LAS1L: variants seen among roughly 807,000 people sequenced by gnomAD.
LAS1L encodes ribosomal biogenesis protein LAS1L.
A neutral mutation model predicts 57.3 loss-of-function variants in LAS1L; 5 were observed. The ratio of observed to expected loss-of-function variants is 0.09; its 90% CI spans 0.05 to 0.18. The LOEUF (loss-of-function observed/expected upper bound fraction) is 0.18, where lower values mean the gene tolerates loss of function less well. LAS1L is among the 10% of genes least tolerant of loss of function. LAS1L has a pLI of 1.00. For synonymous variants in LAS1L, 245 were observed against 231.7 expected (o/e 1.06, Z -0.52); for missense variants, 360 against 568.3 (o/e 0.63, Z 3.73).
At chrX:65,520,336 G>C (rs2068802824) in intron 11 of LAS1L, 1 of 385,157 alleles carries the variant, frequency 2.6e-6, no homozygotes, top group African/African-American at 2.8e-5. Flanking sequence ...TGTCAAATAG[G>C]GTATAATATA....
chrX:65,525,765 A>AAAAAAAAG (rs1556309415), intron 7 of LAS1L, among the ~76,000 whole-genome samples: 1 of 107,504 alleles, frequency 9.3e-6, no homozygotes, highest in African/African-American at 3.6e-5. Flanking sequence ...AAAAAAAAAA[A>AAAAAAAAG]AAAGAAAGAA....
intron 11 of LAS1L, chrX:65,521,264 G>C (rs2068837327): frequency 1.3e-6 from 1 of 752,718 alleles, no homozygotes; most frequent in Non-Finnish European, 1.6e-6. Flanking sequence ...CCAGGCACTG[G>C]GTCAGCTCCC....
At chrX:65,521,027 C>T (rs771989476) in intron 11 of LAS1L, 365 of 752,349 alleles carry the variant, frequency 4.9e-4, no homozygotes, top group Non-Finnish European at 5.6e-4. Context: ...ATTGCCCACC[C>T]ATCCACATCA....
At chrX:65,531,187 T>G (rs1228755489) in intron 4 of LAS1L, among the ~76,000 whole-genome samples, 170 bp downstream of exon 4, 1 of 112,338 alleles carries the variant, frequency 8.9e-6, no homozygotes, top group Non-Finnish European at 1.9e-5. Context: ...ATGGAACTTT[T>G]GACTTCTCCC....
At chrX:65,513,415 T>A (rs1030931146) in intron 13 of LAS1L, among the ~76,000 whole-genome samples, 1 of 111,940 alleles carries the variant, frequency 8.9e-6, no homozygotes, top group Non-Finnish European at 1.9e-5. Context: ...CTCATAACAC[T>A]CTTGCTTCCC....
chrX:65,525,748 C>CA (rs772564998), intron 7 of LAS1L, among the ~76,000 whole-genome samples: 2,874 of 37,773 alleles, frequency 0.076, 47 homozygotes, highest in South Asian at 0.15. Flanking sequence ...TCTGATTTTT[C>CA]AAAAAAAAAA....
intron 1 of LAS1L, among the ~76,000 whole-genome samples, chrX:65,533,972 AAC>A (rs1392823350): frequency 8.9e-6 from 1 of 111,975 alleles, no homozygotes; most frequent in Non-Finnish European, 1.9e-5. Context: ...ACTGTCCATC[AAC>A]AGTTGTGTGG....
At chrX:65,512,992 T>C (rs1226989750) in intron 13 of LAS1L, 91 bp from the exon 14 acceptor site, 1 of 895,927 alleles carries the variant, frequency 1.1e-6, no homozygotes, top group Non-Finnish European at 1.5e-6. Context: ...ATCTGTGGGA[T>C]GGGCCCACTC....
At chrX:65,520,311 C>G in intron 11 of LAS1L, 1 of 286,444 alleles carries the variant, frequency 3.5e-6, no homozygotes, top group Non-Finnish European at 4.7e-6. Context: ...CTCCTTAGAG[C>G]CTCAATGTCT....
At position 65,523,577 on chromosome X, in the gene LAS1L, G is replaced by A. The variant is rs2068970386; in HGVS notation, c.1431C>T (p.Ser477=). 1.7e-6 allele frequency: 2 copies of A among 1,187,174 alleles called. No individual in the cohort carries two copies. Among genetic ancestry groups the A allele is most frequent in the East Asian group, 6.0e-5 (2 of 33,471 alleles). ...AGACTTACATCCGAAGGAGTTGGGGGCTGGCCCAGCAAGGTGAGCCCAAGC... is the reference window on the plus strand; with the variant it reads ...AGACTTACATCCGAAGGAGTTGGGGACTGGCCCAGCAAGGTGAGCCCAAGC... The part of the protein sequence containing the change: ...ESCLGSPCWA[S]PQLLRIIFKA... Residue 477 remains serine (S), a synonymous_variant, in exon 11 of 14, where the codon AGC becomes AGT. Coordinates refer to ENST00000374811, the MANE Select transcript of LAS1L (RefSeq NM_031206.7).
intron 2 of LAS1L, 85 bp downstream of exon 2, chrX:65,533,525 C>G: frequency 3.9e-6 from 4 of 1,030,924 alleles, no homozygotes; most frequent in Non-Finnish European, 4.0e-6. Context: ...CAGGTAACAC[C>G]TGAAGCCAAG....
Position 65,512,842 on chromosome X carries a change from T to TTGC in LAS1L, c.2135_2137dup (p.Ser712dup). The TTGC allele has an allele frequency of 8.6e-7, 1 of 1,167,762 alleles. No individual in the cohort carries two copies. Among genetic ancestry groups the TTGC allele is most frequent in the Non-Finnish European group, 1.1e-6 (1 of 872,898 alleles). ...CTGGCTCCAGAGAAGGCCCTCGAAG[T>TTGC]TGCTGCTGCTGCTGTTGCTGCAGTT... On this transcript the variant is annotated inframe_insertion, in exon 14 of 14. Coordinates refer to ENST00000374811, the MANE Select transcript of LAS1L (RefSeq NM_031206.7).
At chrX:65,514,658 C>T (rs746234845) in intron 13 of LAS1L, among the ~76,000 whole-genome samples, 165 bp downstream of exon 13, 1 of 110,396 alleles carries the variant, frequency 9.1e-6, no homozygotes, top group East Asian at 2.9e-4. Context: ...ACACTAGGGA[C>T]AGGGAGAGCT....
intron 12 of LAS1L, among the ~76,000 whole-genome samples, chrX:65,515,379 T>C (rs976596699): frequency 9.0e-6 from 1 of 110,662 alleles, no homozygotes; most frequent in Admixed American, 9.6e-5. Flanking sequence ...ATGGAGGGTC[T>C]GGATGTCCCA....
In LAS1L at chrX:65,520,504, TG is replaced by T. The variant is rs1390240083; in HGVS notation, c.1449-2040del. 9.3e-6 allele frequency: 7 copies of T among 753,203 alleles called. No homozygotes were observed. In the African/African-American group the frequency reaches 1.6e-4, roughly 17 times the overall value. 62.1% of individuals were successfully genotyped at this position (753,203 alleles called of 1,213,427 possible). On this transcript the variant is annotated intron_variant, in intron 11 of 13. Transcript: ENST00000374811. ...AGTTCTGTGTTTAACAGATGCTTTC[TG>T]CAATAATACAATCTAGTGGAGTATT...
intron 8 of LAS1L, 136 bp from the exon 9 acceptor site, chrX:65,524,750 C>CCCACCCCACCCCATT: frequency 1.2e-5 from 5 of 403,763 alleles, no homozygotes; most frequent in Non-Finnish European, 2.2e-5. Flanking sequence ...CCCACCCCAT[C>CCCACCCCACCCCATT]CCACCCCACC....
At chrX:65,520,002 C>T (rs752676693) in intron 11 of LAS1L, among the ~76,000 whole-genome samples, 1 of 112,118 alleles carries the variant, frequency 8.9e-6, no homozygotes, top group East Asian at 2.8e-4. Flanking sequence ...TCATGGTGGT[C>T]CATTAGTGTG....
intron 7 of LAS1L, among the ~76,000 whole-genome samples, chrX:65,526,185 C>T (rs1460900114): frequency 8.9e-6 from 1 of 112,021 alleles, no homozygotes; most frequent in East Asian, 2.8e-4. Context: ...CCATGCTTCT[C>T]ATACAGGATA....
Position 65,512,773 on chromosome X carries a change from C to A in LAS1L, c.*2G>T. On this transcript the variant is annotated 3_prime_UTR_variant, in exon 14 of 14. Coordinates refer to ENST00000374811, the MANE Select transcript of LAS1L (RefSeq NM_031206.7). ...GATGAACACTTGCACCAGGGATGGC[C>A]ATCAGAAGAGCTGCAGGCCAGTTTT... 1 of 1,166,884 alleles carries A rather than the reference C, an allele frequency of 8.6e-7. No individual in the cohort carries two copies. The highest frequency in any genetic ancestry group is 1.8e-5 in the African/African-American group (1 of 56,351).
Sources: allele counts gnomAD v4.1 joint callset (sites outside exome capture counted in the v4.1 genomes callset), GRCh38; gene constraint gnomAD v4.1.1; transcripts MANE v1.5; gene names NCBI Gene and HGNC (gene_info 2026-07-23, HGNC 2026-07-21).